Variants in CCDC171 observed in about 807,000 individuals in gnomAD.
CCDC171 encodes coiled-coil domain-containing protein 171.
Under a neutral mutation model 168.2 loss-of-function variants are expected in CCDC171, and 177 were observed. The observed-to-expected ratio is 1.05, with a 90% confidence interval of 0.93 to 1.19. CCDC171 has a LOEUF of 1.19. Among genes scored for constraint, CCDC171 ranks in the 50% most tolerant of loss-of-function variants. The pLI is 0.00. For synonymous variants in CCDC171, 687 were observed against 540.8 expected (o/e 1.27, Z -3.75); for missense variants, 1,991 against 1,539.0 (o/e 1.29, Z -4.91).
chr9:15,659,533 A>C (rs1312167648), intron 8 of CCDC171, among the ~76,000 whole-genome samples: 1 of 152,206 alleles, frequency 6.6e-6, no homozygotes, highest in East Asian at 1.9e-4. Context: ...TTCTCAGTAT[A>C]AACTGTTAAG....
intron 18 of CCDC171, among the ~76,000 whole-genome samples, chr9:15,747,460 C>T (rs1338632428): frequency 6.6e-6 from 1 of 152,192 alleles, no homozygotes; most frequent in Non-Finnish European, 1.5e-5. Flanking sequence ...GACTGGGAGA[C>T]ACCTCCCAGT....
At chr9:15,808,502 G>A (rs1289997470) in intron 21 of CCDC171, among the ~76,000 whole-genome samples, 1 of 152,162 alleles carries the variant, frequency 6.6e-6, no homozygotes, top group Non-Finnish European at 1.5e-5. Flanking sequence ...GAGAAGTGAA[G>A]AAGGGAGAGT....
At chr9:15,975,788 G>A (rs1266456946), downstream of CCDC171, among the ~76,000 whole-genome samples, 1 of 152,142 alleles carries the variant, frequency 6.6e-6, no homozygotes, top group Non-Finnish European at 1.5e-5. Flanking sequence ...CTGAATAATG[G>A]CCGTACGAGA....
rs771944848 is a variant in CCDC171 at position 15,634,263 on chromosome 9, T to C, written c.822+10850T>C. Among the ~76,000 whole-genome samples, 6 of 152,260 alleles carry C rather than the reference T, an allele frequency of 3.9e-5. No individual in the cohort carries two copies. The South Asian group carries it at 1.2e-3, about 32-fold the overall frequency. On this transcript the variant is annotated intron_variant, in intron 7 of 25. Coordinates refer to ENST00000380701, the MANE Select transcript of CCDC171 (RefSeq NM_173550.4). ...TTAACTTTTAAAAAAATTAAAGATATAATTTGAATAATAAAAAAAGTTTCT... is the reference window on the plus strand; with the variant it reads ...TTAACTTTTAAAAAAATTAAAGATACAATTTGAATAATAAAAAAAGTTTCT...
chr9:15,955,771 A>G (rs1829738523), intron 25 of CCDC171, among the ~76,000 whole-genome samples: 1 of 152,134 alleles, frequency 6.6e-6, no homozygotes, highest in Non-Finnish European at 1.5e-5. Context: ...TTGCTGCACT[A>G]TATTATATTA....
Position 15,971,845 on chromosome 9 carries a change from A to T in CCDC171, c.*9A>T, listed in dbSNP as rs936973455. ...CTCAGATTGGATTATGACTTCATGA[A>T]ATTAAAAAATGGAGGAAGAGTTAAC... On this transcript the variant is annotated 3_prime_UTR_variant, in exon 26 of 26. Transcript: ENST00000380701. The T allele has an allele frequency of 4.4e-6, 7 of 1,594,134 alleles. No homozygotes were observed. In the African/African-American group the frequency reaches 8.1e-5, roughly 18 times the overall value.
chr9:15,615,917 A>G (rs995918147), intron 6 of CCDC171, among the ~76,000 whole-genome samples: 3 of 151,866 alleles, frequency 2.0e-5, no homozygotes, highest in Non-Finnish European at 4.4e-5. Context: ...TACTGGGACC[A>G]CAGGCATGCG....
intron 18 of CCDC171, among the ~76,000 whole-genome samples, chr9:15,758,813 T>C (rs151194027): frequency 5.9e-4 from 90 of 152,318 alleles, no homozygotes; most frequent in Middle Eastern, 3.4e-3. Context: ...CCTGTTTTGC[T>C]TGAGTCTCAT....
In CCDC171 at chr9:15,626,245, A is replaced by G. The variant is rs969863452; in HGVS notation, c.822+2832A>G. 2.0e-5 allele frequency among the ~76,000 whole-genome samples: 3 copies of G among 152,350 alleles called. No individual in the cohort carries two copies. The East Asian group carries it at 5.8e-4, about 29-fold the overall frequency. ...GACGATGGGGTTTTCTAAATATACA[A>G]TCACGTCATCTGAAAATGGACAATT... On this transcript the variant is annotated intron_variant, in intron 7 of 25. Coordinates refer to ENST00000380701, the MANE Select transcript of CCDC171 (RefSeq NM_173550.4).
chr9:15,611,937 A>C (rs1189628627), intron 6 of CCDC171, among the ~76,000 whole-genome samples: 2 of 152,184 alleles, frequency 1.3e-5, no homozygotes, highest in African/African-American at 4.8e-5. Flanking sequence ...TCAGGAGATT[A>C]TTAGGTCTTG....
chr9:15,743,020 C>T (rs2054992478), intron 16 of CCDC171, among the ~76,000 whole-genome samples: 1 of 151,960 alleles, frequency 6.6e-6, no homozygotes, highest in Admixed American at 6.6e-5. Flanking sequence ...CTCAAGTGAT[C>T]CTCTCACCTT....
At chr9:16,052,330 C>A (rs1291936063) in intron 1 of CCDC171, among the ~76,000 whole-genome samples, 1 of 152,150 alleles carries the variant, frequency 6.6e-6, no homozygotes, top group Non-Finnish European at 1.5e-5. Flanking sequence ...GCTGGCCTCA[C>A]GCAGTCTGGC....
chr9:15,714,433 C>G lies in CCDC171; in HGVS notation c.1319-7336C>G, dbSNP rs1467117206. Among the ~76,000 whole-genome samples the G allele has an allele frequency of 2.6e-5, 4 of 152,102 alleles. No homozygotes were observed. The East Asian group carries it at 7.7e-4, about 29-fold the overall frequency. On this transcript the variant is annotated intron_variant, in intron 11 of 25. Coordinates refer to ENST00000380701, the MANE Select transcript of CCDC171 (RefSeq NM_173550.4). ...GGGTGGGTTCAGGTACCTACTGGAC[C>G]GACTAGAGAGAGGCCTCAGCTAAAA...
chr9:15,843,868 C>G (rs1457236698), intron 21 of CCDC171, among the ~76,000 whole-genome samples: 1 of 152,064 alleles, frequency 6.6e-6, no homozygotes, highest in Non-Finnish European at 1.5e-5. Context: ...CTGCAGGTTC[C>G]CACTGCTTAA....
intron 7 of CCDC171, among the ~76,000 whole-genome samples, chr9:15,642,188 G>A (rs1182578043): frequency 6.6e-5 from 10 of 151,354 alleles, no homozygotes; most frequent in African/African-American, 4.9e-5. Context: ...ACTGTTGTTC[G>A]TAGTGTATAG....
intron 18 of CCDC171, among the ~76,000 whole-genome samples, chr9:15,762,846 T>C (rs1332720664): frequency 2.0e-5 from 3 of 152,148 alleles, no homozygotes; most frequent in East Asian, 1.9e-4. Flanking sequence ...GTCCCTTTAG[T>C]TTTTTCTGTT....
At chr9:15,994,151 A>G (rs1272069911) in intron 3 of CCDC171, among the ~76,000 whole-genome samples, 1 of 148,444 alleles carries the variant, frequency 6.7e-6, no homozygotes, top group African/African-American at 2.6e-5. Flanking sequence ...TGTTTATTGC[A>G]GTATAATCGC....
At chr9:15,710,363 C>G (rs934264456) in intron 11 of CCDC171, among the ~76,000 whole-genome samples, 17 of 151,680 alleles carry the variant, frequency 1.1e-4, no homozygotes, top group Admixed American at 1.3e-4. Context: ...GCTGGAGTGG[C>G]GCCATCTCAG....
At chr9:15,932,718 T>A (rs914651601) in intron 25 of CCDC171, among the ~76,000 whole-genome samples, 1 of 151,914 alleles carries the variant, frequency 6.6e-6, no homozygotes, top group Admixed American at 6.6e-5. Context: ...CTTCTCCCCA[T>A]GCAATATGAT....
Sources: allele counts gnomAD v4.1 joint callset (sites outside exome capture counted in the v4.1 genomes callset), GRCh38; gene constraint gnomAD v4.1.1; transcripts MANE v1.5; gene names NCBI Gene and HGNC (gene_info 2026-07-23, HGNC 2026-07-21).